Variants in BMP7 observed in about 807,000 individuals in gnomAD.
BMP7 encodes osteogenic protein 1.
A neutral mutation model predicts 41.2 loss-of-function variants in BMP7; 12 were observed. The ratio of observed to expected loss-of-function variants is 0.29; its 90% CI spans 0.19 to 0.47. BMP7 has a LOEUF of 0.47. Ranked by LOEUF, BMP7 falls within the 20% of genes least tolerant of loss-of-function variation. The pLI is 0.99. For missense variants in BMP7, 467 were observed against 606.0 expected (o/e 0.77, Z 2.41); for synonymous variants, 248 against 250.0 (o/e 0.99, Z 0.07).
At chr20:57,233,299 T>A (rs1242739808) in intron 1 of BMP7, among the ~76,000 whole-genome samples, 1 of 152,052 alleles carries the variant, frequency 6.6e-6, no homozygotes, top group Non-Finnish European at 1.5e-5. Context: ...ACAAAGGACT[T>A]TCATCTTCAA....
At chr20:57,227,907 A>G (rs1411483794) in intron 2 of BMP7, among the ~76,000 whole-genome samples, 1 of 151,968 alleles carries the variant, frequency 6.6e-6, no homozygotes, top group Non-Finnish European at 1.5e-5. Flanking sequence ...AACGGGAGAG[A>G]GGTAGCCCTT....
intron 3 of BMP7, among the ~76,000 whole-genome samples, chr20:57,192,472 T>A (rs1484702088): frequency 6.6e-6 from 1 of 151,500 alleles, no homozygotes; most frequent in Non-Finnish European, 1.5e-5. Flanking sequence ...TCCTTTTCAT[T>A]TTATGTTATA....
rs771357020 is a variant in BMP7 at position 57,175,153 on chromosome 20, T to C, written c.959-146A>G. Reference sequence around the variant, plus strand: ...GTAAATTTCCCGATTCAAAAGCCAGTTCGAGGGTCTAACTGCCTTAAAACT... The same window carrying C: ...GTAAATTTCCCGATTCAAAAGCCAGCTCGAGGGTCTAACTGCCTTAAAACT... On this transcript the variant is annotated intron_variant, in intron 4 of 6. Transcript: ENST00000395863. 3 of 862,554 alleles carry C rather than the reference T, an allele frequency of 3.5e-6. No homozygotes were observed. In the Middle Eastern group the frequency reaches 7.2e-4, roughly 207 times the overall value. 53.4% of individuals were successfully genotyped at this position (862,554 alleles called of 1,614,324 possible). A position where few individuals can be genotyped will look rare whatever the true frequency, so the allele number is the denominator to read the frequency against.
Position 57,228,095 on chromosome 20 carries a change from T to C in BMP7, c.611+134A>G. The C allele has an allele frequency of 4.9e-6, 5 of 1,026,834 alleles. No homozygotes were observed. Among genetic ancestry groups the C allele is most frequent in the Non-Finnish European group, 7.6e-6 (5 of 656,254 alleles). The allele number at this position is 1,026,834 out of a possible 1,614,324, so 63.6% of individuals were successfully genotyped here. A position where few individuals can be genotyped will look rare whatever the true frequency, so the allele number is the denominator to read the frequency against. On this transcript the variant is annotated intron_variant, in intron 2 of 6. Transcript: ENST00000395863. The surrounding 1 kb of genome is among the most constrained non-coding windows in gnomAD (Gnocchi z 4.5). ...AAGTGACATACACCATACACCTTCT[T>C]TAGAAGGGATAATCTGGTACAGGGC... is the stretch of plus-strand genomic sequence containing the variant.
At chr20:57,234,237 C>T (rs1228296767) in intron 1 of BMP7, among the ~76,000 whole-genome samples, 1 of 152,218 alleles carries the variant, frequency 6.6e-6, no homozygotes, top group Non-Finnish European at 1.5e-5. Context: ...ACCTTGGCCA[C>T]ACATAGGCCT....
At chr20:57,188,961 G>C (rs2054752703) in intron 3 of BMP7, among the ~76,000 whole-genome samples, 1 of 152,200 alleles carries the variant, frequency 6.6e-6, no homozygotes, top group African/African-American at 2.4e-5. Flanking sequence ...AAGCTCTCGT[G>C]CTGCAAACAC....
intron 1 of BMP7, among the ~76,000 whole-genome samples, chr20:57,233,599 G>T (rs770958028): frequency 1.3e-4 from 20 of 152,322 alleles, no homozygotes; most frequent in South Asian, 8.3e-4. Context: ...TGTCCCAGAT[G>T]GGAGTCACAC....
chr20:57,208,276 A>C (rs1984790228), intron 2 of BMP7, among the ~76,000 whole-genome samples: 1 of 152,232 alleles, frequency 6.6e-6, no homozygotes, highest in African/African-American at 2.4e-5. Flanking sequence ...GAGAAGGCTA[A>C]TTTGAACAGA....
At position 57,228,908 on chromosome 20, in the gene BMP7, G is replaced by A. The variant is rs372492122; in HGVS notation, c.419-487C>T. Among the ~76,000 whole-genome samples the A allele has an allele frequency of 6.6e-5, 10 of 152,216 alleles. No homozygotes were observed. In the East Asian group the frequency reaches 7.7e-4, roughly 12 times the overall value. ...ACACAAATAGTTTAACATCTGCTAG[G>A]GTTGGATAACTGTTAGCTATTGTTG... On this transcript the variant is annotated intron_variant, in intron 1 of 6. Coordinates refer to ENST00000395863, the MANE Select transcript of BMP7 (RefSeq NM_001719.3). This position sits in a 1 kb window ranked among gnomAD's most constrained non-coding sequence, Gnocchi z 4.5.
At chr20:57,254,747 C>T (rs990695774) in intron 1 of BMP7, among the ~76,000 whole-genome samples, 4 of 152,174 alleles carry the variant, frequency 2.6e-5, no homozygotes, top group Non-Finnish European at 4.4e-5. Context: ...TCTCTCGAAT[C>T]CCCTGTTCAT....
chr20:57,192,193 A>C (rs1190302142), intron 3 of BMP7, among the ~76,000 whole-genome samples: 3 of 127,768 alleles, frequency 2.3e-5, no homozygotes, highest in Non-Finnish European at 3.1e-5. Flanking sequence ...TATTATATAT[A>C]GTATATATAC....
At chr20:57,201,318 G>A (rs184136481) in intron 3 of BMP7, among the ~76,000 whole-genome samples, 70 of 152,356 alleles carry the variant, frequency 4.6e-4, no homozygotes, top group Middle Eastern at 3.4e-3. Flanking sequence ...ACGTCACACA[G>A]TGTGTGGGTG....
intron 2 of BMP7, among the ~76,000 whole-genome samples, chr20:57,218,916 A>G (rs35111023): frequency 0.67 from 93,555 of 140,078 alleles, 30,961 homozygotes; most frequent in African/African-American, 0.83. Flanking sequence ...GGTGGTAGCT[A>G]GTGTTTGTTC....
rs1298476061 is a variant in BMP7, at chr20:57,265,902, C to T, written c.221G>A (p.Gly74Asp). Residue 74 changes from glycine (G) to aspartate (D), a missense_variant, in exon 1 of 7, where the codon GGC becomes GAC. Coordinates refer to ENST00000395863, the MANE Select transcript of BMP7 (RefSeq NM_001719.3). ...GAACATGGGTGCCGAGTTGTGCTTGCCCTGGAGGTGCGGGCGCGGGCGGTG... is the reference window on the plus strand; with the variant it reads ...GAACATGGGTGCCGAGTTGTGCTTGTCCTGGAGGTGCGGGCGCGGGCGGTG... The part of the protein sequence containing the change: ...LPHRPRPHLQ[G>D]KHNSAPMFML... 21 of 1,591,688 alleles carry T rather than the reference C, an allele frequency of 1.3e-5. No homozygotes were observed. The highest frequency in any genetic ancestry group is 1.8e-5 in the Non-Finnish European group (21 of 1,169,116).
chr20:57,248,771 A>G (rs1018979983), intron 1 of BMP7, among the ~76,000 whole-genome samples: 2 of 150,358 alleles, frequency 1.3e-5, no homozygotes, highest in Admixed American at 6.7e-5. Flanking sequence ...CTGCAGCTGA[A>G]TGAGTTTTTT....
intron 2 of BMP7, among the ~76,000 whole-genome samples, chr20:57,220,603 C>A (rs1036567858): frequency 6.6e-6 from 1 of 152,170 alleles, no homozygotes; most frequent in Admixed American, 6.5e-5. Flanking sequence ...TTCCCAAATG[C>A]ATCCCAGTGT....
At chr20:57,202,227 T>C (rs1441751810) in intron 3 of BMP7, among the ~76,000 whole-genome samples, 2 of 152,166 alleles carry the variant, frequency 1.3e-5, no homozygotes, top group African/African-American at 4.8e-5. Flanking sequence ...CCCTCACCCC[T>C]GCTGATATGG....
At chr20:57,262,835 C>G (rs554500021) in intron 1 of BMP7, among the ~76,000 whole-genome samples, 1 of 152,206 alleles carries the variant, frequency 6.6e-6, no homozygotes, top group East Asian at 1.9e-4. Flanking sequence ...TAGAAAACTT[C>G]GAATACTACA....
chr20:57,198,046 C>G (rs1318469658), intron 3 of BMP7, among the ~76,000 whole-genome samples: 1 of 152,170 alleles, frequency 6.6e-6, no homozygotes, highest in African/African-American at 2.4e-5. Flanking sequence ...CTCAAAGGTG[C>G]CTTGCCTCTC....
Sources: gnomAD v4.1 joint callset for allele counts (sites outside exome capture counted in the v4.1 genomes callset) on GRCh38, gnomAD v4.1.1 for gene constraint, Gnocchi (gnomAD v3.1) non-coding constraint, MANE v1.5 for transcripts, NCBI Gene and HGNC (gene_info 2026-07-23, HGNC 2026-07-21) for gene names.